The following CGRRF1 variants were observed in gnomAD, a reference collection of about 807,000 sequenced individuals.
The protein encoded by CGRRF1 is cell growth regulator with ring finger domain 1.
A neutral mutation model predicts 37.2 loss-of-function variants in CGRRF1; 32 were observed. The observed-to-expected ratio is 0.86, with a 90% CI of 0.65 to 1.16. The LOEUF is 1.16. Ranked by LOEUF, CGRRF1 falls within the 50% of genes most tolerant of loss-of-function variation. The pLI, the probability that CGRRF1 is intolerant of heterozygous loss-of-function variation, is 0.00. For synonymous variants in CGRRF1, 141 were observed against 140.3 expected, an observed-to-expected ratio of 1.00 and a Z score of -0.04; for missense variants, 391 against 382.6, an observed-to-expected ratio of 1.02 and a Z score of -0.18.
At chr14:54,532,142 T>G (rs2032526411) in intron 4 of CGRRF1, among the ~76,000 whole-genome samples, 1 of 152,134 alleles carries the variant, frequency 6.6e-6, no homozygotes, top group Admixed American at 6.6e-5. Flanking sequence ...TTGTTTTTGT[T>G]TTTTGAGTTT....
Position 54,530,061 on chromosome 14 carries a change from T to G in CGRRF1, c.257T>G (p.Leu86Trp), listed in dbSNP as rs140514305. Residue 86 changes from leucine (L) to tryptophan (W), a missense_variant, in exon 3 of 6, where the codon TTG becomes TGG. Physicochemically the swap from Leu to Trp is moderately conservative, Grantham distance 61. Transcript: ENST00000216420. ...SSASITTGIT[L>W]TTDCLEDSLL... is the part of the protein sequence containing the mutation. Reference sequence around the variant, plus strand: ...TTGTTTTTTACAGCTGGCATAACCTTGACAACAGATTGCCTTGAAGATAGC... The same window carrying G: ...TTGTTTTTTACAGCTGGCATAACCTGGACAACAGATTGCCTTGAAGATAGC... The G allele has an allele frequency of 1.7e-4, 280 of 1,609,574 alleles. No homozygotes were observed. The highest frequency in any genetic ancestry group is 6.7e-4 in the South Asian group (61 of 90,776).
chr14:54,513,472 T>C (rs934676819), intron 1 of CGRRF1, among the ~76,000 whole-genome samples: 1 of 152,228 alleles, frequency 6.6e-6, no homozygotes, highest in Non-Finnish European at 1.5e-5. Flanking sequence ...AAGCGTTAGA[T>C]CGGTCAAGTC....
At chr14:54,531,793 A>G (rs2032519622) in intron 4 of CGRRF1, among the ~76,000 whole-genome samples, 1 of 152,178 alleles carries the variant, frequency 6.6e-6, no homozygotes, top group Admixed American at 6.5e-5. Flanking sequence ...TGAAACTTTG[A>G]CAATCATCTG....
chr14:54,515,799 T>C (rs570401871), intron 1 of CGRRF1, among the ~76,000 whole-genome samples: 57 of 152,300 alleles, frequency 3.7e-4, no homozygotes, highest in Non-Finnish European at 7.6e-4. Flanking sequence ...TAAACTCTTT[T>C]TGTCTTTTTA....
Position 54,510,022 on chromosome 14 carries a change from CTT to C in CGRRF1, c.65_66del (p.Phe22TyrfsTer52). 4 of 1,613,814 alleles carry C rather than the reference CTT, an allele frequency of 2.5e-6. No homozygotes were observed. Among genetic ancestry groups the C allele is most frequent in the Non-Finnish European group, 1.7e-6 (2 of 1,179,742 alleles). On this transcript the variant is annotated frameshift_variant, in exon 1 of 6. Coordinates refer to ENST00000216420, the MANE Select transcript of CGRRF1 (RefSeq NM_006568.3). LOFTEE classifies it high-confidence loss of function. ...CGCCGCTTTTCTACATCGCGGTGGTCTTTACCTGCTTCATCGTGACCACCGGC... is the reference window on the plus strand; with the variant it reads ...CGCCGCTTTTCTACATCGCGGTGGTCTACCTGCTTCATCGTGACCACCGGC... ...YSPLFYIAVV[F>X]TCFIVTTGLV...
At position 54,530,904 on chromosome 14, in the gene CGRRF1, A is replaced by G. The variant is rs1486399368; in HGVS notation, c.424A>G (p.Ile142Val). The G allele has an allele frequency of 1.9e-6, 3 of 1,582,640 alleles. No homozygotes were observed. The highest frequency in any genetic ancestry group is 1.4e-5 in the African/African-American group (1 of 74,072). Residue 142 changes from isoleucine (I) to valine (V), a missense_variant and splice_region_variant, in exon 4 of 6, where the codon ATT becomes GTT. Physicochemically the swap from Ile to Val is conservative, Grantham distance 29 (BLOSUM62 3). Coordinates refer to ENST00000216420, the MANE Select transcript of CGRRF1 (RefSeq NM_006568.3). The stretch of plus-strand genomic sequence containing the variant: ...ATTTACCTTTACATTTTCAAAAAGT[A>G]TTAAAAAGGATAGCAAAGAAGAAAT... ...SEYLYQEQYF[I>V]KKDSKEEIYC...
At chr14:54,510,838 AG>A (rs1467706988) in intron 1 of CGRRF1, among the ~76,000 whole-genome samples, 1 of 152,206 alleles carries the variant, frequency 6.6e-6, no homozygotes, top group African/African-American at 2.4e-5. Flanking sequence ...CCGTGTAACT[AG>A]CCCACAACAG....
At chr14:54,524,382 T>C (rs1412615105) in intron 2 of CGRRF1, among the ~76,000 whole-genome samples, 1 of 150,764 alleles carries the variant, frequency 6.6e-6, no homozygotes, top group African/African-American at 2.5e-5. Flanking sequence ...AGGAAAAATA[T>C]ATGTTTTTTT....
intron 1 of CGRRF1, among the ~76,000 whole-genome samples, chr14:54,513,608 TATGTTATGTA>T (rs1253850716): frequency 4.8e-5 from 7 of 145,990 alleles, no homozygotes; most frequent in Admixed American, 2.1e-4. Context: ...TATGTTATGT[TATGTTATGTA>T]ATGTTATGTT....
chr14:54,524,354 A>C (rs1363244891), intron 2 of CGRRF1, among the ~76,000 whole-genome samples: 1 of 151,884 alleles, frequency 6.6e-6, no homozygotes, highest in African/African-American at 2.4e-5. Flanking sequence ...ATCAGGCTTA[A>C]GTAAATCTTG....
At chr14:54,525,522 A>G (rs1403947422) in intron 2 of CGRRF1, among the ~76,000 whole-genome samples, 1 of 152,230 alleles carries the variant, frequency 6.6e-6, no homozygotes, top group African/African-American at 2.4e-5. Context: ...ATACCGATGC[A>G]TATCATTTAT....
At chr14:54,510,109 G>A (rs1354942278) in intron 1 of CGRRF1, 46 bp downstream of exon 1, 2 of 1,448,682 alleles carry the variant, frequency 1.4e-6, no homozygotes, top group East Asian at 2.3e-5. Context: ...TACCGCCAGA[G>A]TGGGGTCGCG....
chr14:54,530,989 G>T lies in CGRRF1; in HGVS notation c.509G>T (p.Arg170Leu), dbSNP rs141030031. The change falls in exon 4 of 6, where the codon CGC becomes CTC. Residue 170 changes from arginine (R) to leucine (L), a missense_variant. By Grantham distance (102) the Arg-to-Leu change is moderately radical. Transcript: ENST00000216420. ...IEDFGTVPRS[R>L]YPLVALLTLA... ...GACTTTGGTACAGTACCCAGATCTC[G>T]CTATCCATTGGTAGCGCTATTGACC... 5 of 1,612,022 alleles carry T rather than the reference G, an allele frequency of 3.1e-6. No homozygotes were observed. The highest frequency in any genetic ancestry group is 3.4e-6 in the Non-Finnish European group (4 of 1,178,374).
At chr14:54,512,746 G>T (rs1359663866) in intron 1 of CGRRF1, among the ~76,000 whole-genome samples, 1 of 152,178 alleles carries the variant, frequency 6.6e-6, no homozygotes, top group Middle Eastern at 3.2e-3. Context: ...GGTCCCACTT[G>T]TTCCAGTTTA....
rs763490879 is a variant in CGRRF1, at chr14:54,509,925, G to A, written c.-35G>A. 11 of 1,521,766 alleles carry A rather than the reference G, an allele frequency of 7.2e-6. No homozygotes were observed. The East Asian group carries it at 1.1e-4, about 16-fold the overall frequency. The allele number at this position is 1,521,766 out of a possible 1,614,324, so 94.3% of individuals were successfully genotyped here. ...TCAGCCGGGCTGGGCTGGGCTCCGC[G>A]GCTGGAGCCGGGCTCTACCCAGAGC... On this transcript the variant is annotated 5_prime_UTR_variant, in exon 1 of 6. Transcript: ENST00000216420.
chr14:54,527,590 C>T (rs2032434224), intron 2 of CGRRF1, among the ~76,000 whole-genome samples: 1 of 152,006 alleles, frequency 6.6e-6, no homozygotes, highest in Admixed American at 6.6e-5. Flanking sequence ...TGACACTCTT[C>T]CCATTTTAGT....
intron 1 of CGRRF1, among the ~76,000 whole-genome samples, chr14:54,512,839 C>G (rs2032151290): frequency 6.6e-6 from 1 of 152,168 alleles, no homozygotes; most frequent in South Asian, 2.1e-4. Flanking sequence ...GTCCTGAGCT[C>G]CATAGAGTCT....
rs2032623835 is a variant in CGRRF1, at chr14:54,537,835, C to T, written c.678+6C>T. 1 of 1,596,098 alleles carries T rather than the reference C, an allele frequency of 6.3e-7. No individual in the cohort carries two copies. Among genetic ancestry groups the T allele is most frequent in the Non-Finnish European group, 8.5e-7 (1 of 1,175,626 alleles). Reference sequence around the variant, plus strand: ...GTCAATTTCATGATCTTAAGGTAAGCCGTACTCTGTAGTCTTATCTCTGTC... The same window carrying T: ...GTCAATTTCATGATCTTAAGGTAAGTCGTACTCTGTAGTCTTATCTCTGTC... On this transcript the variant is annotated splice_donor_region_variant and intron_variant, in intron 5 of 5. Coordinates refer to ENST00000216420, the MANE Select transcript of CGRRF1 (RefSeq NM_006568.3).
Position 54,538,135 on chromosome 14 carries a change from A to G in CGRRF1, c.751A>G (p.Arg251Gly), listed in dbSNP as rs750913046. ...NSSSEEKNTD[R>G]SLLEKVGLSE... ...CTCTTCAGAAGAAAAAAACACAGAC[A>G]GAAGTTTGTTGGAAAAGGTGGGACT... The change falls in exon 6 of 6, where the codon AGA (arginine) becomes GGA (glycine). Residue 251 changes from arginine (R) to glycine (G), a missense_variant. Transcript: ENST00000216420. 43 of 1,614,160 alleles carry G rather than the reference A, an allele frequency of 2.7e-5. No homozygotes were observed. Among genetic ancestry groups the G allele is most frequent in the Non-Finnish European group, 1.4e-5 (16 of 1,180,008 alleles).
Sources: allele counts gnomAD v4.1 joint callset (sites outside exome capture counted in the v4.1 genomes callset), GRCh38; gene constraint gnomAD v4.1.1; transcripts MANE v1.5; gene names NCBI Gene and HGNC (gene_info 2026-07-23, HGNC 2026-07-21).